The following TACC2 variants were observed in gnomAD, a reference collection of about 807,000 sequenced individuals.
TACC2 encodes the protein transforming acidic coiled-coil-containing protein 2.
TACC2 carries 137 observed loss-of-function variants against 227.3 expected under a neutral mutation model. The ratio of observed to expected loss-of-function variants is 0.60; its 90% CI spans 0.52 to 0.69. The LOEUF is 0.69. TACC2 is among the 30% of genes least tolerant of loss of function. The pLI, the probability that TACC2 is intolerant of heterozygous loss-of-function variation, is 0.00. For missense variants in TACC2, 3,470 were observed against 3,694.4 expected (o/e 0.94, Z 1.57); for synonymous variants, 1,523 against 1,487.5 (o/e 1.02, Z -0.55).
chr10:122,108,420 A>G (rs567165915), intron 5 of TACC2, among the ~76,000 whole-genome samples: 1 of 143,310 alleles, frequency 7.0e-6, no homozygotes, highest in Non-Finnish European at 1.5e-5. Flanking sequence ...GTGTGTATAT[A>G]TATATGTGTA....
chr10:122,213,907 C>T (rs1396783744), intron 9 of TACC2, among the ~76,000 whole-genome samples: 2 of 152,202 alleles, frequency 1.3e-5, no homozygotes, highest in Non-Finnish European at 2.9e-5. Context: ...GAGCACACAG[C>T]TGTGAGAGCC....
At chr10:122,136,352 C>T (rs1278527962) in intron 6 of TACC2, among the ~76,000 whole-genome samples, 1 of 152,046 alleles carries the variant, frequency 6.6e-6, no homozygotes, top group Non-Finnish European at 1.5e-5. Context: ...ACCTGCAATC[C>T]CTCTGCACTT....
intron 5 of TACC2, among the ~76,000 whole-genome samples, chr10:122,124,970 C>T (rs77830279): frequency 0.031 from 4,656 of 151,036 alleles, 73 homozygotes; most frequent in Middle Eastern, 0.062. Flanking sequence ...CCCCTCCCAG[C>T]CCCCCAGTGT....
chr10:121,990,265 G>A (rs1952974730), intron 1 of TACC2, among the ~76,000 whole-genome samples: 1 of 151,878 alleles, frequency 6.6e-6, no homozygotes, highest in Non-Finnish European at 1.5e-5. Flanking sequence ...ACAGGTGCAT[G>A]CCACTAAATT....
intron 3 of TACC2, among the ~76,000 whole-genome samples, chr10:122,068,759 G>A (rs1184206022): frequency 6.6e-6 from 1 of 151,602 alleles, no homozygotes; most frequent in Non-Finnish European, 1.5e-5. Flanking sequence ...CGCTTTCCGG[G>A]TTCAAGTGAT....
At position 122,087,231 on chromosome 10, in the gene TACC2, C is replaced by T. The variant is rs377713529; in HGVS notation, c.4731C>T (p.Phe1577=). The T allele has an allele frequency of 6.2e-7, 1 of 1,613,224 alleles. No homozygotes were observed. Among genetic ancestry groups the T allele is most frequent in the Middle Eastern group, 1.6e-4 (1 of 6,082 alleles). The change falls in exon 4 of 23, where the codon TTC becomes TTT. Residue 1577 remains phenylalanine, a synonymous_variant. Coordinates refer to ENST00000369005, the MANE Select transcript of TACC2 (RefSeq NM_206862.4). ...QELPVERAAA[F]QVAPHSHGEE... ...TCCCTGTGGAGAGAGCTGCTGCCTT[C>T]CAGGTGGCTCCCCATAGCCATGGAG... is the stretch of plus-strand genomic sequence containing the variant.
At chr10:122,129,941 G>C (rs956937517) in intron 5 of TACC2, among the ~76,000 whole-genome samples, 1 of 152,160 alleles carries the variant, frequency 6.6e-6, no homozygotes, top group Non-Finnish European at 1.5e-5. Context: ...CTGGACCTCC[G>C]CACTGTCAAT....
chr10:122,083,414 A>G lies in TACC2; in HGVS notation c.914A>G (p.Glu305Gly), dbSNP rs772149524. ...CCTCAGTATTTAACAGATGACTTGGAATTCCTCAGGGCCTGCCATCTCCCT... is the reference window on the plus strand; with the variant it reads ...CCTCAGTATTTAACAGATGACTTGGGATTCCTCAGGGCCTGCCATCTCCCT... ...APPQYLTDDL[E>G]FLRACHLPRS... Residue 305 changes from glutamate to glycine, a missense_variant, in exon 4 of 23, where the codon GAA (glutamate) becomes GGA (glycine). Physicochemically the swap from Glu to Gly is moderately conservative, Grantham distance 98. This residue lies in a region of TACC2 where 405 missense variants were observed against 389.6 expected (regional missense o/e 1.04). Transcript: ENST00000369005. 6.2e-7 allele frequency: 1 copy of G among 1,613,734 alleles called. No individual in the cohort carries two copies. The highest frequency in any genetic ancestry group is 2.2e-5 in the East Asian group (1 of 44,866).
chr10:122,133,770 C>T (rs966487471), intron 6 of TACC2, among the ~76,000 whole-genome samples: 2 of 152,166 alleles, frequency 1.3e-5, no homozygotes, highest in Non-Finnish European at 1.5e-5. Flanking sequence ...ATGTCACTGC[C>T]CTCCACAGAT....
chr10:122,165,233 G>C (rs996247389), intron 7 of TACC2, among the ~76,000 whole-genome samples: 1 of 152,158 alleles, frequency 6.6e-6, no homozygotes, highest in Non-Finnish European at 1.5e-5. Flanking sequence ...AGTGTTGCTA[G>C]GTGCATGGAA....
At chr10:122,114,128 G>A (rs1189416760) in intron 5 of TACC2, among the ~76,000 whole-genome samples, 3 of 152,208 alleles carry the variant, frequency 2.0e-5, no homozygotes, top group African/African-American at 7.2e-5. Flanking sequence ...GCCTAAGGAG[G>A]GGCGGCTGGA....
chr10:122,124,634 C>T (rs1196693303), intron 5 of TACC2, among the ~76,000 whole-genome samples: 1 of 152,184 alleles, frequency 6.6e-6, no homozygotes, highest in Non-Finnish European at 1.5e-5. Context: ...GTCCTCCAGA[C>T]CCAAACGGAG....
In TACC2 at chr10:122,205,343, C is replaced by T. The variant is rs76911786; in HGVS notation, c.5972-5054C>T. Among the ~76,000 whole-genome samples, 3,728 of 152,156 alleles carry T rather than the reference C, an allele frequency of 0.025. 145 individuals are homozygous for T. Among genetic ancestry groups the T allele is most frequent in the African/African-American group, 0.081 (3,342 of 41,498 alleles). ...ACGGGCCTCCTGCTCTCTTGCTGGT[C>T]GGTTTTGGGTTTGGTTTCTTGAGCT... On this transcript the variant is annotated intron_variant, in intron 8 of 22. Coordinates refer to ENST00000369005, the MANE Select transcript of TACC2 (RefSeq NM_206862.4). This position sits in a 1 kb window ranked among gnomAD's most constrained non-coding sequence, Gnocchi z 4.5.
chr10:122,254,290 C>G lies in TACC2; in HGVS notation c.*234C>G. 1 of 560,544 alleles carries G rather than the reference C, an allele frequency of 1.8e-6. No individual in the cohort carries two copies. The allele number at this position is 560,544 out of a possible 1,614,324, so 34.7% of individuals were successfully genotyped here. On this transcript the variant is annotated 3_prime_UTR_variant, in exon 23 of 23. Coordinates refer to ENST00000369005, the MANE Select transcript of TACC2 (RefSeq NM_206862.4). ...TCATAGCAAGTTGACCTCAGAGTTC[C>G]TGTATCAGGGAGATTGTCTGATTCT...
chr10:122,194,719 A>G lies in TACC2; in HGVS notation c.5835-321A>G, dbSNP rs182525347. Among the ~76,000 whole-genome samples the G allele has an allele frequency of 2.9e-3, 434 of 152,246 alleles. 2 individuals carry two copies. The highest frequency in any genetic ancestry group is 0.01 in the African/African-American group (427 of 41,532). On this transcript the variant is annotated intron_variant, in intron 7 of 22. Coordinates refer to ENST00000369005, the MANE Select transcript of TACC2 (RefSeq NM_206862.4). This position sits in a 1 kb window ranked among gnomAD's most constrained non-coding sequence, Gnocchi z 4.4. ...ACATGCAGAATGCCTCTCTCTCTCT[A>G]TTTGAATCAATACCTAATAATGAAC...
Position 122,084,754 on chromosome 10 carries a change from G to T in TACC2, c.2254G>T (p.Gly752Trp). 6.2e-7 allele frequency: 1 copy of T among 1,613,628 alleles called. No individual in the cohort carries two copies. The highest frequency in any genetic ancestry group is 1.1e-5 in the South Asian group (1 of 91,088). The change falls in exon 4 of 23, where the codon GGG becomes TGG. Residue 752 changes from glycine to tryptophan, a missense_variant. By Grantham distance (184) the Gly-to-Trp change is radical. Around this residue, in one of 10 missense-constraint regions of TACC2, gnomAD observed 1,924 missense variants for 1,978.3 expected, o/e 0.97. Coordinates refer to ENST00000369005, the MANE Select transcript of TACC2 (RefSeq NM_206862.4). Reference sequence around the variant, plus strand: ...AATAAGGAAGATGGGCAGCTGTGATGGGGAGGGCTTGCTGACGTCCCCAGA... The same window carrying T: ...AATAAGGAAGATGGGCAGCTGTGATTGGGAGGGCTTGCTGACGTCCCCAGA... ...LEIRKMGSCD[G>W]EGLLTSPDQP...
chr10:122,199,832 G>T (rs1319023562), intron 8 of TACC2, among the ~76,000 whole-genome samples: 2 of 152,156 alleles, frequency 1.3e-5, no homozygotes, highest in Admixed American at 6.5e-5. Context: ...CCTGCTTTCT[G>T]TTCATAGACA....
intron 7 of TACC2, among the ~76,000 whole-genome samples, chr10:122,167,201 T>A (rs1024844119): frequency 4.6e-5 from 7 of 152,312 alleles, no homozygotes; most frequent in Non-Finnish European, 1.0e-4. Flanking sequence ...ACTCTCAAAG[T>A]GAGCACGTGC....
At chr10:122,116,417 A>G (rs538448949) in intron 5 of TACC2, among the ~76,000 whole-genome samples, 1 of 152,210 alleles carries the variant, frequency 6.6e-6, no homozygotes, top group Non-Finnish European at 1.5e-5. Flanking sequence ...GAAGGGCAGT[A>G]TTGAGAAAGC....
Sources: allele counts gnomAD v4.1 joint callset (sites outside exome capture counted in the v4.1 genomes callset), GRCh38; gene constraint gnomAD v4.1.1; regional missense constraint gnomAD v4.1.1; non-coding constraint Gnocchi (gnomAD v3.1); transcripts MANE v1.5; gene names NCBI Gene and HGNC (gene_info 2026-07-23, HGNC 2026-07-21).